Variants in TGFBR3 observed in about 807,000 individuals in gnomAD.
TGFBR3 encodes the protein transforming growth factor beta receptor 3, also known as transforming growth factor beta receptor type 3.
Under a neutral mutation model 87.9 loss-of-function variants are expected in TGFBR3, and 46 were observed. That is an observed-to-expected ratio of 0.52 (90% CI 0.41 to 0.67). The LOEUF (loss-of-function observed/expected upper bound fraction) is 0.67, where lower values mean the gene tolerates loss of function less well. Ranked by LOEUF, TGFBR3 falls within the 30% of genes least tolerant of loss-of-function variation. The pLI, the probability that TGFBR3 is intolerant of heterozygous loss-of-function variation, is 0.00. For missense variants in TGFBR3, 866 were observed against 1,041.9 expected, an observed-to-expected ratio of 0.83 and a Z score of 2.32; for synonymous variants, 381 against 391.6, an observed-to-expected ratio of 0.97 and a Z score of 0.32.
At chr1:91,768,003 G>A (rs935017145) in intron 3 of TGFBR3, among the ~76,000 whole-genome samples, 4 of 151,896 alleles carry the variant, frequency 2.6e-5, no homozygotes, top group Admixed American at 6.6e-5. Flanking sequence ...ACCTGAGGTC[G>A]GGAGTTCAAG....
chr1:91,794,703 T>G (rs906573356), intron 3 of TGFBR3, among the ~76,000 whole-genome samples: 1 of 152,260 alleles, frequency 6.6e-6, no homozygotes, highest in African/African-American at 2.4e-5. Context: ...TCATCCATGC[T>G]GTAGCACCTA....
At chr1:91,798,268 A>G (rs1675464654) in intron 2 of TGFBR3, among the ~76,000 whole-genome samples, 1 of 152,168 alleles carries the variant, frequency 6.6e-6, no homozygotes, top group Non-Finnish European at 1.5e-5. Context: ...AGAGGCACTC[A>G]ATGTTACGGG....
intron 2 of TGFBR3, among the ~76,000 whole-genome samples, chr1:91,891,331 C>T (rs1679443294): frequency 6.6e-6 from 1 of 151,712 alleles, no homozygotes; most frequent in South Asian, 2.1e-4. Flanking sequence ...AACCCAGTCT[C>T]TACAAAAAAT....
Position 91,771,142 on chromosome 1 carries a change from A to G in TGFBR3, c.247-12392T>C, listed in dbSNP as rs113887480. ...GCTGCACCCTCCTCCTTTTATCTCT[A>G]GGTTAATAAGCGTGAAGTTACTAAA... On this transcript the variant is annotated intron_variant, in intron 3 of 16. Coordinates refer to ENST00000212355, the MANE Select transcript of TGFBR3 (RefSeq NM_003243.5). Among the ~76,000 whole-genome samples the G allele has an allele frequency of 2.6e-5, 4 of 152,198 alleles. 1 individual carries two copies. Among genetic ancestry groups the G allele is most frequent in the African/African-American group, 9.6e-5 (4 of 41,538 alleles).
intron 2 of TGFBR3, among the ~76,000 whole-genome samples, chr1:91,815,357 C>G (rs1676184782): frequency 7.3e-6 from 1 of 136,750 alleles, no homozygotes; most frequent in Non-Finnish European, 1.6e-5. Context: ...TAGTCCTGTC[C>G]TAGCTAATCC....
chr1:91,804,725 T>C (rs1675767343), intron 2 of TGFBR3, among the ~76,000 whole-genome samples: 1 of 152,192 alleles, frequency 6.6e-6, no homozygotes, highest in African/African-American at 2.4e-5. Context: ...ATCTGACTCA[T>C]CTGCTCACTT....
intron 2 of TGFBR3, among the ~76,000 whole-genome samples, chr1:91,800,086 G>A (rs143307700): frequency 6.6e-6 from 1 of 151,666 alleles, no homozygotes; most frequent in East Asian, 2.0e-4. Context: ...ACAGGACAGC[G>A]ACTCTTTACA....
intron 8 of TGFBR3, among the ~76,000 whole-genome samples, chr1:91,721,044 C>A (rs1442594992): frequency 6.6e-6 from 1 of 152,132 alleles, no homozygotes; most frequent in Non-Finnish European, 1.5e-5. Context: ...ATAATTTCCC[C>A]AGTATTCTTT....
chr1:91,739,049 C>G (rs1345614554), intron 4 of TGFBR3, among the ~76,000 whole-genome samples: 1 of 152,114 alleles, frequency 6.6e-6, no homozygotes, highest in Non-Finnish European at 1.5e-5. Flanking sequence ...TGGCTGGACA[C>G]AGGGCTGAGA....
chr1:91,801,097 AAAAG>A (rs1337591099), intron 2 of TGFBR3: 42 of 218,716 alleles, frequency 1.9e-4, no homozygotes, highest in African/African-American at 7.4e-4. Context: ...AAAAAAAAAA[AAAAG>A]AGAGAGAGAG....
rs140160555 is a variant in TGFBR3 at position 91,826,569 on chromosome 1, G to T, written c.62-29098C>A. 5.5e-4 allele frequency among the ~76,000 whole-genome samples: 83 copies of T among 152,256 alleles called. 1 individual carries two copies. Among genetic ancestry groups the T allele is most frequent in the African/African-American group, 1.9e-3 (80 of 41,548 alleles). Reference sequence around the variant, plus strand: ...AGAACCTCTCTCGCTCTTAGCTGAAGCCAGCATTGCCCTTCCTGTTTGAAG... The same window carrying T: ...AGAACCTCTCTCGCTCTTAGCTGAATCCAGCATTGCCCTTCCTGTTTGAAG... On this transcript the variant is annotated intron_variant, in intron 2 of 16. Transcript: ENST00000212355.
chr1:91,728,041 C>G, intron 6 of TGFBR3: 1 of 552,766 alleles, frequency 1.8e-6, no homozygotes, highest in Non-Finnish European at 3.2e-6. Context: ...TTTTTCTCTT[C>G]TTTGATGGAA....
chr1:91,798,601 T>A (rs1382795541), intron 2 of TGFBR3, among the ~76,000 whole-genome samples: 7 of 152,182 alleles, frequency 4.6e-5, no homozygotes, highest in Admixed American at 3.9e-4. Context: ...CCGCAATCCA[T>A]CTGCCTGTCT....
intron 13 of TGFBR3, among the ~76,000 whole-genome samples, chr1:91,711,165 T>C (rs1019481341): frequency 2.6e-5 from 4 of 152,224 alleles, no homozygotes; most frequent in African/African-American, 9.6e-5. Flanking sequence ...TGATGGTGAA[T>C]GCCTACAAGG....
Position 91,893,435 on chromosome 1 carries a change from C to A in TGFBR3, c.-114+6202G>T, listed in dbSNP as rs142382320. 9.5e-3 allele frequency among the ~76,000 whole-genome samples: 1,446 copies of A among 152,126 alleles called. 25 individuals carry two copies. The highest frequency in any genetic ancestry group is 0.032 in the African/African-American group (1,347 of 41,496). On this transcript the variant is annotated intron_variant, in intron 2 of 17. Transcript: ENST00000370399. Reference sequence around the variant, plus strand: ...AGTGGCTGGGATTACAGGCACGTACCACCATGCCCGGTTAATTGTTGTATT... The same window carrying A: ...AGTGGCTGGGATTACAGGCACGTACAACCATGCCCGGTTAATTGTTGTATT...
rs74923072 is a variant in TGFBR3 at position 91,681,938 on chromosome 1, G to A, written c.*1801C>T. The A allele has an allele frequency of 4.4e-6, 2 of 452,298 alleles. No homozygotes were observed. Among genetic ancestry groups the A allele is most frequent in the Non-Finnish European group, 8.8e-6 (2 of 226,480 alleles). 28.0% of individuals were successfully genotyped at this position (452,298 alleles called of 1,614,324 possible). ...AAGGAAAAAAATTCTCTAAACTCAT[G>A]TCTTCTTCGTTTGTATATGGAAATC... On this transcript the variant is annotated 3_prime_UTR_variant, in exon 17 of 17. Transcript: ENST00000212355.
rs1441052490 is a variant in TGFBR3, at chr1:91,681,368, C to T, written c.*2371G>A. On this transcript the variant is annotated 3_prime_UTR_variant, in exon 17 of 17. Transcript: ENST00000212355. ...CTGAATAATAATTCTGACAATGAGA[C>T]CCAAACAAATAAAAGGTGATTTTTT... 2.3e-6 allele frequency: 1 copy of T among 428,068 alleles called. No individual in the cohort carries two copies. The highest frequency in any genetic ancestry group is 2.6e-5 in the Admixed American group (1 of 37,788). 26.5% of individuals were successfully genotyped at this position (428,068 alleles called of 1,614,324 possible). A position where few individuals can be genotyped will look rare whatever the true frequency, so the allele number is the denominator to read the frequency against.
At chr1:91,762,050 C>T (rs1673984053) in intron 3 of TGFBR3, among the ~76,000 whole-genome samples, 1 of 152,288 alleles carries the variant, frequency 6.6e-6, no homozygotes, top group South Asian at 2.1e-4. Flanking sequence ...TACAGGTTAA[C>T]AGCTTTGTCT....
chr1:91,785,335 A>G (rs1056925281), intron 3 of TGFBR3, among the ~76,000 whole-genome samples: 4 of 152,230 alleles, frequency 2.6e-5, no homozygotes, highest in Non-Finnish European at 5.9e-5. Flanking sequence ...GGGGGCACAC[A>G]CAGGGAATGG....
Sources: allele counts gnomAD v4.1 joint callset (sites outside exome capture counted in the v4.1 genomes callset), GRCh38; gene constraint gnomAD v4.1.1; transcripts MANE v1.5; gene names NCBI Gene and HGNC (gene_info 2026-07-23, HGNC 2026-07-21).